Variants in PLCB3 observed in about 807,000 individuals in gnomAD.
PLCB3 encodes phospholipase C beta 3, also known as 1-phosphatidylinositol 4,5-bisphosphate phosphodiesterase beta-3.
In PLCB3, 54 loss-of-function variants were observed where a neutral mutation model predicts 152.1. The ratio of observed to expected loss-of-function variants is 0.36; its 90% CI spans 0.29 to 0.45. PLCB3 has a LOEUF of 0.45. Ranked by LOEUF, PLCB3 falls within the 20% of genes least tolerant of loss-of-function variation. The probability of loss-of-function intolerance (pLI) is 1.00; values close to 1 mark genes in which losing one functional copy is unlikely to be tolerated. For missense variants in PLCB3, 1,248 were observed against 1,687.5 expected (o/e 0.74, Z 4.56); for synonymous variants, 717 against 698.7 (o/e 1.03, Z -0.41).
In PLCB3 at chr11:64,256,875, T is replaced by C; in HGVS notation, c.1012+111T>C. 7.5e-6 allele frequency: 9 copies of C among 1,202,996 alleles called. No individual in the cohort carries two copies. The South Asian group carries it at 8.6e-5, about 11-fold the overall frequency. 74.5% of individuals were successfully genotyped at this position (1,202,996 alleles called of 1,614,324 possible). ...GCCCATTTGCTCATTCATTGGCCAG[T>C]GCTGGGGATGCAGGCAGGGAACAGG... is the stretch of plus-strand genomic sequence containing the variant. On this transcript the variant is annotated intron_variant, in intron 10 of 30. Transcript: ENST00000279230.
intron 14 of PLCB3, among the ~76,000 whole-genome samples, chr11:64,260,753 A>G (rs1004256927): frequency 2.0e-5 from 3 of 146,998 alleles, no homozygotes; most frequent in African/African-American, 7.7e-5. Context: ...AACGTGGGCT[A>G]AAAAGGGAGA....
intron 2 of PLCB3, 96 bp downstream of exon 2, chr11:64,254,588 C>T: frequency 2.2e-6 from 3 of 1,380,050 alleles, no homozygotes; most frequent in South Asian, 2.3e-5. Flanking sequence ...GCAGGCTGAC[C>T]TCTCCCACTG....
chr11:64,268,597 C>G (rs2032259480), downstream of PLCB3: 1 of 152,356 alleles, frequency 6.6e-6, no homozygotes, highest in Admixed American at 6.5e-5. Context: ...CCTGGACCCT[C>G]CGTGGTGGAC....
intron 1 of PLCB3, among the ~76,000 whole-genome samples, chr11:64,252,148 A>T (rs910634808): frequency 6.6e-6 from 1 of 151,366 alleles, no homozygotes; most frequent in African/African-American, 2.4e-5. Flanking sequence ...GGGCATCCTC[A>T]TTCTGGGTGT....
In PLCB3 at chr11:64,266,373, G is replaced by C. The variant is rs1173641781; in HGVS notation, c.3325G>C (p.Ala1109Pro). ...DRKRHNSISEAKMRDKHKKEA... is the reference protein window; with the variant it reads ...DRKRHNSISEPKMRDKHKKEA... ...AAAGCGCCATAACAGCATCTCGGAG[G>C]CCAAGATGAGGGACAAGCATAAGAA... The change falls in exon 28 of 31, where the codon GCC (alanine) becomes CCC (proline). Residue 1109 changes from alanine (A) to proline (P), a missense_variant. Ala to Pro is a conservative substitution (Grantham distance 27). This residue lies in a region of PLCB3 where 477 missense variants were observed against 489.6 expected (regional missense o/e 0.97). Transcript: ENST00000279230. This position sits in a 1 kb window ranked among gnomAD's most constrained non-coding sequence, Gnocchi z 4.9. 1.2e-6 allele frequency: 2 copies of C among 1,610,496 alleles called. No homozygotes were observed. Among genetic ancestry groups the C allele is most frequent in the East Asian group, 4.5e-5 (2 of 44,832 alleles).
At position 64,258,244 on chromosome 11, in the gene PLCB3, G is replaced by C. The variant is rs1328245687; in HGVS notation, c.1013-229G>C. 6.6e-6 allele frequency among the ~76,000 whole-genome samples: 1 copy of C among 152,158 alleles called. No homozygotes were observed. Among genetic ancestry groups the C allele is most frequent in the Non-Finnish European group, 1.5e-5 (1 of 68,022 alleles). The stretch of plus-strand genomic sequence containing the variant: ...GTGTGAGCTGTGCCAGGGCTGAGGT[G>C]GGTGGAGGGAGTGAGGAGAGGGAGG... On this transcript the variant is annotated intron_variant, in intron 10 of 30. Coordinates refer to ENST00000279230, the MANE Select transcript of PLCB3 (RefSeq NM_000932.5). This position sits in a 1 kb window ranked among gnomAD's most constrained non-coding sequence, Gnocchi z 7.2.
In PLCB3 at chr11:64,255,871, C is replaced by T; in HGVS notation, c.698+50C>T. ...AACCCCTGTGCTCTGTGTTTAGCTT[C>T]TGCTTAGCGTGCCTCTAGCTCAATG... On this transcript the variant is annotated intron_variant, in intron 8 of 30. Transcript: ENST00000279230. The surrounding 1 kb of genome is among the most constrained non-coding windows in gnomAD (Gnocchi z 6.8). The T allele has an allele frequency of 2.2e-6, 3 of 1,362,462 alleles. No homozygotes were observed. The highest frequency in any genetic ancestry group is 3.2e-6 in the Non-Finnish European group (3 of 951,384). The allele number at this position is 1,362,462 out of a possible 1,614,324, so 84.4% of individuals were successfully genotyped here.
At chr11:64,261,692 G>A (rs2855380) in intron 16 of PLCB3, 27 bp downstream of exon 16, 1 of 1,599,822 alleles carries the variant, frequency 6.3e-7, no homozygotes, top group Non-Finnish European at 8.6e-7. Context: ...CTGTGGGCGG[G>A]CAGGCCAGGG....
chr11:64,265,075 C>T lies in PLCB3; in HGVS notation c.2777C>T (p.Ser926Phe). 6.5e-7 allele frequency: 1 copy of T among 1,532,030 alleles called. No individual in the cohort carries two copies. Among genetic ancestry groups the T allele is most frequent in the Non-Finnish European group, 8.8e-7 (1 of 1,132,258 alleles). 94.9% of individuals were successfully genotyped at this position (1,532,030 alleles called of 1,614,324 possible). Residue 926 changes from serine (S) to phenylalanine (F), a missense_variant, in exon 23 of 31, where the codon TCC becomes TTC. This residue lies in a region of PLCB3 where 477 missense variants were observed against 489.6 expected (regional missense o/e 0.97). Coordinates refer to ENST00000279230, the MANE Select transcript of PLCB3 (RefSeq NM_000932.5). ...CGCCGGCCCCCTGGCCCCACCACCT[C>T]CCCTGCCAGCACCTCCCTCAGCAGC... is the stretch of plus-strand genomic sequence containing the variant. ...SPRRPPGPTT[S>F]PASTSLSSPG...
rs747104158 is a variant in PLCB3, at chr11:64,259,070, G to A, written c.1351G>A (p.Val451Ile). The A allele has an allele frequency of 2.0e-5, 32 of 1,611,630 alleles. No homozygotes were observed. The highest frequency in any genetic ancestry group is 1.6e-4 in the Middle Eastern group (1 of 6,074). Reference sequence around the variant, plus strand: ...CATGCCTGCCCAGCTGGCCCCAGGCGTTCCCCTGCCCAGCCCCCAGGACCT... The same window carrying A: ...CATGCCTGCCCAGCTGGCCCCAGGCATTCCCCTGCCCAGCCCCCAGGACCT... The part of the protein sequence containing the change: ...PLDKYPLAPG[V>I]PLPSPQDLMG... The change falls in exon 13 of 31, where the codon GTT (valine) becomes ATT (isoleucine). Residue 451 changes from valine (V) to isoleucine (I), a missense_variant. Val to Ile is a conservative substitution (Grantham distance 29). Coordinates refer to ENST00000279230, the MANE Select transcript of PLCB3 (RefSeq NM_000932.5).
At chr11:64,257,799 G>A (rs540976129) in intron 10 of PLCB3, among the ~76,000 whole-genome samples, 2 of 152,100 alleles carry the variant, frequency 1.3e-5, no homozygotes, top group South Asian at 4.2e-4. Flanking sequence ...GGGTGAAGCA[G>A]AAGAGGTGAT....
intron 22 of PLCB3, among the ~76,000 whole-genome samples, chr11:64,264,363 C>T (rs1417938004): frequency 6.6e-6 from 1 of 152,176 alleles, no homozygotes. Flanking sequence ...TTCATCAGGG[C>T]AGTGCGAAGC....
chr11:64,254,970 G>T lies in PLCB3; in HGVS notation c.319G>T (p.Val107Leu), dbSNP rs1395650902. ...ARLEEKLMTV[V>L]SGPDPVNTVF... ...GCTGGAGGAGAAGCTGATGACGGTG[G>T]TGTCTGGGCCAGACCCAGTGAACAC... Residue 107 changes from valine to leucine, a missense_variant, in exon 4 of 31, where the codon GTG becomes TTG. Around this residue, in one of 6 missense-constraint regions of PLCB3, gnomAD observed 299 missense variants for 434.7 expected, o/e 0.69. Transcript: ENST00000279230. The T allele has an allele frequency of 6.3e-7, 1 of 1,598,744 alleles. No individual in the cohort carries two copies. The highest frequency in any genetic ancestry group is 8.5e-7 in the Non-Finnish European group (1 of 1,171,188).
intron 1 of PLCB3, among the ~76,000 whole-genome samples, chr11:64,252,057 C>T (rs1017476582): frequency 6.6e-6 from 1 of 152,260 alleles, no homozygotes; most frequent in African/African-American, 2.4e-5. Context: ...AATTCTCGTT[C>T]CCCGATCCTG....
Position 64,257,016 on chromosome 11 carries a change from T to TTTTTTTTTTTTTTTTTTTTTC in PLCB3, c.1012+257_1012+258insTTTTTTTTTTTTTTTCTTTTT, listed in dbSNP as rs771872374. Among the ~76,000 whole-genome samples the TTTTTTTTTTTTTTTTTTTTTC allele has an allele frequency of 4.6e-3, 560 of 120,506 alleles. 29 individuals carry two copies. The highest frequency in any genetic ancestry group is 0.014 in the African/African-American group (485 of 33,946). The allele number at this position is 120,506 out of a possible 152,430, so 79.1% of individuals were successfully genotyped here. ...AGGGTCCTTTTTTTTTTTTTTTTTTTTTTTTGAGACAGAGTTTCGCTCTTG... is the reference window on the plus strand; with the variant it reads ...AGGGTCCTTTTTTTTTTTTTTTTTTTTTTTTTTTTTTTTTTTTTTTCTTTTTGAGACAGAGTTTCGCTCTTG... On this transcript the variant is annotated intron_variant, in intron 10 of 30. Coordinates refer to ENST00000279230, the MANE Select transcript of PLCB3 (RefSeq NM_000932.5).
intron 25 of PLCB3, 74 bp from the exon 26 acceptor site, chr11:64,265,812 G>GC: frequency 1.3e-6 from 2 of 1,532,838 alleles, no homozygotes; most frequent in Non-Finnish European, 1.8e-6. Context: ...GCCAGGATGT[G>GC]CCCCCCTACA....
At chr11:64,268,796 C>T (rs1312339935), downstream of PLCB3, 1 of 152,308 alleles carries the variant, frequency 6.6e-6, no homozygotes, top group Non-Finnish European at 1.5e-5. Flanking sequence ...GGGAAGGCGG[C>T]CTCTTATCTG....
rs147036605 is a variant in PLCB3 at position 64,258,936 on chromosome 11, C to T, written c.1305C>T (p.Asp435=). 3.0e-4 allele frequency: 480 copies of T among 1,613,816 alleles called. 1 individual carries two copies. Among genetic ancestry groups the T allele is most frequent in the Non-Finnish European group, 3.7e-4 (440 of 1,179,998 alleles). ...AGTACTGCCGCTCCATCTTTGGAGA[C>T]GCGCTACTCATCGAGCCTCTGGACA... ...MAEYCRSIFG[D]ALLIEPLDKY... is the part of the protein sequence containing the mutation. The change falls in exon 12 of 31, where the codon GAC becomes GAT. Residue 435 remains aspartate, a synonymous_variant. Coordinates refer to ENST00000279230, the MANE Select transcript of PLCB3 (RefSeq NM_000932.5). The surrounding 1 kb of genome is among the most constrained non-coding windows in gnomAD (Gnocchi z 7.2).
At position 64,266,425 on chromosome 11, in the gene PLCB3, G is replaced by T; in HGVS notation, c.3356+21G>T. The T allele has an allele frequency of 6.3e-7, 1 of 1,599,596 alleles. No individual in the cohort carries two copies. Among genetic ancestry groups the T allele is most frequent in the Non-Finnish European group, 8.6e-7 (1 of 1,167,090 alleles). On this transcript the variant is annotated intron_variant, in intron 28 of 30. Transcript: ENST00000279230. This position sits in a 1 kb window ranked among gnomAD's most constrained non-coding sequence, Gnocchi z 4.9. Reference sequence around the variant, plus strand: ...GAGGCGTAAGGGCACCGGGACCGGGGGCCATCTGGGTACTGGGGAGGCAGG... The same window carrying T: ...GAGGCGTAAGGGCACCGGGACCGGGTGCCATCTGGGTACTGGGGAGGCAGG...
Sources: gnomAD v4.1 joint callset for allele counts (sites outside exome capture counted in the v4.1 genomes callset) on GRCh38, gnomAD v4.1.1 for gene constraint, gnomAD v4.1.1 regional missense constraint, Gnocchi (gnomAD v3.1) non-coding constraint, MANE v1.5 for transcripts, NCBI Gene and HGNC (gene_info 2026-07-23, HGNC 2026-07-21) for gene names.